INPP5B: variants seen among roughly 807,000 people sequenced by gnomAD.
The protein encoded by INPP5B is type II inositol 1,4,5-trisphosphate 5-phosphatase.
Under a neutral mutation model 118.5 loss-of-function variants are expected in INPP5B, and 90 were observed. The ratio of observed to expected loss-of-function variants is 0.76; its 90% confidence interval spans 0.64 to 0.90. The LOEUF is 0.90. Among genes scored for constraint, INPP5B ranks in the 40% least tolerant of loss-of-function variants. The pLI is 0.00. For missense variants in INPP5B, 984 were observed against 1,125.6 expected, an observed-to-expected ratio of 0.87 and a Z score of 1.80; for synonymous variants, 385 against 418.9, an observed-to-expected ratio of 0.92 and a Z score of 0.99.
chr1:37,900,965 C>T (rs142082624), intron 7 of INPP5B, among the ~76,000 whole-genome samples: 1,550 of 152,216 alleles, frequency 0.01, 30 homozygotes, highest in African/African-American at 0.036. Flanking sequence ...GCATGCGCCA[C>T]CACACACAGC....
chr1:37,872,937 C>G lies in INPP5B; in HGVS notation c.2180G>C (p.Ser727Thr), dbSNP rs1308581317. 2 of 1,612,878 alleles carry G rather than the reference C, an allele frequency of 1.2e-6. No individual in the cohort carries two copies. The highest frequency in any genetic ancestry group is 2.7e-5 in the African/African-American group (2 of 74,970). Residue 727 changes from serine to threonine, a missense_variant, in exon 19 of 24, where the codon AGT (serine) becomes ACT (threonine). Transcript: ENST00000373024. ...PILDLPLETI[S>T]ELTLMPVWTG... ...TTGTGGCATATTACTCACCAGCTCA[C>G]TAATGGTTTCAAGTGGTAGGTCCAA...
At chr1:37,945,981 G>A in intron 2 of INPP5B, 131 bp from the exon 3 acceptor site, 5 of 798,854 alleles carry the variant, frequency 6.3e-6, no homozygotes, top group African/African-American at 1.7e-5. Flanking sequence ...CAAACCATGT[G>A]CTGAACTAAC....
chr1:37,896,709 C>G (rs1367242163), intron 7 of INPP5B, among the ~76,000 whole-genome samples: 1 of 136,264 alleles, frequency 7.3e-6, no homozygotes, highest in African/African-American at 2.8e-5. Context: ...CCAGCCGCCC[C>G]GTCCGGGAGG....
At chr1:37,893,829 C>A (rs527801575) in intron 7 of INPP5B, among the ~76,000 whole-genome samples, 1 of 152,328 alleles carries the variant, frequency 6.6e-6, no homozygotes, top group South Asian at 2.1e-4. Context: ...ATGCTCTAAG[C>A]ATATTAAGGT....
At chr1:37,933,344 C>G (rs1173583239) in intron 6 of INPP5B, among the ~76,000 whole-genome samples, 12 of 151,954 alleles carry the variant, frequency 7.9e-5, no homozygotes, top group Non-Finnish European at 1.2e-4. Context: ...GTCAGGAGAT[C>G]CAGACCATCC....
intron 8 of INPP5B, 137 bp downstream of exon 8, chr1:37,891,221 C>T (rs1239062907): frequency 1.9e-6 from 1 of 529,878 alleles, no homozygotes; most frequent in East Asian, 3.0e-5. Flanking sequence ...GAGCGAAACT[C>T]TGTCTCAAAA....
rs1021775895 is a variant in INPP5B at position 37,907,993 on chromosome 1, G to A, written c.533-16539C>T. On this transcript the variant is annotated intron_variant, in intron 7 of 23. Coordinates refer to ENST00000373024, the MANE Select transcript of INPP5B (RefSeq NM_005540.3). The surrounding 1 kb of genome is among the most constrained non-coding windows in gnomAD (Gnocchi z 4.3). ...TAAGTGATAGGCTATGTTCTCCCCC[G>A]CCCTTAAGAAGGTACTTTGTAATAT... 2.6e-5 allele frequency among the ~76,000 whole-genome samples: 4 copies of A among 151,090 alleles called. No individual in the cohort carries two copies. Among genetic ancestry groups the A allele is most frequent in the East Asian group, 1.9e-4 (1 of 5,150 alleles).
intron 7 of INPP5B, among the ~76,000 whole-genome samples, chr1:37,919,113 A>T (rs1238038809): frequency 6.6e-6 from 1 of 152,210 alleles, no homozygotes; most frequent in African/African-American, 2.4e-5. Context: ...GGACATCATC[A>T]TCAATGAAAC....
rs114786591 is a variant in INPP5B at position 37,945,023 on chromosome 1, C to G, written c.152+733G>C. Among the ~76,000 whole-genome samples the G allele has an allele frequency of 9.2e-3, 1,396 of 152,168 alleles. 25 individuals carry two copies. Among genetic ancestry groups the G allele is most frequent in the African/African-American group, 0.032 (1,327 of 41,530 alleles). The stretch of plus-strand genomic sequence containing the variant: ...GTGGCTCATGCCTAAAATTCCAACA[C>G]TTTGGGAGGCTGAAGTGGGAGAATG... On this transcript the variant is annotated intron_variant, in intron 3 of 23. Coordinates refer to ENST00000373024, the MANE Select transcript of INPP5B (RefSeq NM_005540.3).
chr1:37,942,113 A>T (rs1379615715), intron 5 of INPP5B: 1 of 150,314 alleles, frequency 6.7e-6, no homozygotes, highest in Non-Finnish European at 1.5e-5. Flanking sequence ...GCAAACAGTG[A>T]TAACCTCATA....
chr1:37,937,695 A>T (rs894710543), intron 6 of INPP5B, among the ~76,000 whole-genome samples: 2 of 152,184 alleles, frequency 1.3e-5, no homozygotes, highest in East Asian at 1.9e-4. Flanking sequence ...TGAACCCAGG[A>T]GGCAGAAGTT....
chr1:37,936,290 G>A (rs1218832183), intron 6 of INPP5B, among the ~76,000 whole-genome samples: 1 of 151,878 alleles, frequency 6.6e-6, no homozygotes, highest in African/African-American at 2.4e-5. Context: ...TGCCTGCCTG[G>A]GGAAAAACTC....
chr1:37,932,089 A>G (rs1645502633), intron 6 of INPP5B, 36 bp from the exon 7 acceptor site: 1 of 1,525,844 alleles, frequency 6.6e-7, no homozygotes, highest in African/African-American at 1.4e-5. Context: ...CTGAGCCACG[A>G]GCTTGAAGAG....
chr1:37,866,458 C>G lies in INPP5B; in HGVS notation c.2386+1G>C. The G allele has an allele frequency of 6.6e-7, 1 of 1,504,402 alleles. No homozygotes were observed. The highest frequency in any genetic ancestry group is 9.2e-7 in the Non-Finnish European group (1 of 1,083,862). 93.2% of individuals were successfully genotyped at this position (1,504,402 alleles called of 1,614,324 possible). ...CACAGAGCTGAATGTCTGAAGGATA[C>G]AGAGGTTATCAATCATTCCAGTATC... is the stretch of plus-strand genomic sequence containing the variant. On this transcript the variant is annotated splice_donor_variant, in intron 21 of 23. Transcript: ENST00000373024. LOFTEE classifies it high-confidence loss of function.
chr1:37,897,413 C>T (rs1194866948), intron 7 of INPP5B, among the ~76,000 whole-genome samples: 5 of 151,578 alleles, frequency 3.3e-5, no homozygotes, highest in South Asian at 2.1e-4. Context: ...GCCTTGGGAT[C>T]CTGTTGATCG....
Position 37,882,849 on chromosome 1 carries a change from G to T in INPP5B, c.1389C>A (p.Leu463=). The T allele has an allele frequency of 5.6e-6, 9 of 1,614,074 alleles. No individual in the cohort carries two copies. Among genetic ancestry groups the T allele is most frequent in the Non-Finnish European group, 5.9e-6 (7 of 1,179,996 alleles). Residue 463 remains leucine (L), a synonymous_variant, in exon 14 of 24, where the codon CTC becomes CTA. Coordinates refer to ENST00000373024, the MANE Select transcript of INPP5B (RefSeq NM_005540.3). ...EELDVEKVKK[L]IEEKDFQMLY... ...GCATTTGAAAGTCCTTCTCTTCGAT[G>T]AGCTTTTTCACTTTTTCCACATCCA...
intron 6 of INPP5B, among the ~76,000 whole-genome samples, chr1:37,935,439 C>T (rs925809658): frequency 3.4e-4 from 51 of 151,416 alleles, no homozygotes; most frequent in African/African-American, 1.2e-3. Context: ...TGATCCGCCC[C>T]GCCTTGGCCT....
At chr1:37,943,958 G>T in intron 3 of INPP5B, 65 bp from the exon 4 acceptor site, 1 of 1,197,160 alleles carries the variant, frequency 8.4e-7, no homozygotes, top group Non-Finnish European at 1.2e-6. Flanking sequence ...TATCTTGGAG[G>T]TCTCGGGGTG....
chr1:37,904,765 T>C (rs1644449656), intron 7 of INPP5B, among the ~76,000 whole-genome samples: 1 of 151,176 alleles, frequency 6.6e-6, no homozygotes, highest in South Asian at 2.1e-4. Flanking sequence ...TAATCCCAGC[T>C]ACTCGGGAGG....
Sources: allele counts gnomAD v4.1 joint callset (sites outside exome capture counted in the v4.1 genomes callset), GRCh38; gene constraint gnomAD v4.1.1; non-coding constraint Gnocchi (gnomAD v3.1); transcripts MANE v1.5; gene names NCBI Gene and HGNC (gene_info 2026-07-23, HGNC 2026-07-21).